R3HDM1: variants seen among roughly 807,000 people sequenced by gnomAD.
R3HDM1 encodes R3H domain containing 1.
R3HDM1 carries 46 observed loss-of-function variants against 141.1 expected under a neutral mutation model. The ratio of observed to expected loss-of-function variants is 0.33; its 90% CI spans 0.26 to 0.42. R3HDM1 has a LOEUF of 0.42. Among genes scored for constraint, R3HDM1 ranks in the 10% least tolerant of loss-of-function variants. The pLI is 1.00. For missense variants in R3HDM1, 1,184 were observed against 1,368.3 expected (o/e 0.87, Z 2.12); for synonymous variants, 435 against 472.9 (o/e 0.92, Z 1.04).
chr2:135,568,638 C>T (rs1703350058), intron 1 of R3HDM1: 1 of 152,070 alleles, frequency 6.6e-6, no homozygotes, highest in Non-Finnish European at 1.5e-5. Context: ...GCGTGAGCCA[C>T]TTGTGCCCGG....
intron 21 of R3HDM1, among the ~76,000 whole-genome samples, chr2:135,703,289 C>T (rs2074480804): frequency 2.0e-5 from 3 of 152,196 alleles, no homozygotes; most frequent in Admixed American, 1.3e-4. Flanking sequence ...AAATAATCCT[C>T]TTTGGGCAAG....
At chr2:135,687,241 G>A (rs913753831) in intron 21 of R3HDM1, among the ~76,000 whole-genome samples, 1 of 152,158 alleles carries the variant, frequency 6.6e-6, no homozygotes, top group Non-Finnish European at 1.5e-5. Flanking sequence ...GCAGAGAGTA[G>A]AATGGTCATT....
At chr2:135,552,489 C>G (rs947244912) in intron 1 of R3HDM1, among the ~76,000 whole-genome samples, 4 of 152,164 alleles carry the variant, frequency 2.6e-5, no homozygotes, top group Non-Finnish European at 5.9e-5. Flanking sequence ...AGCCACCACA[C>G]GCGGCCTAAT....
At chr2:135,557,379 T>C (rs1700987172) in intron 1 of R3HDM1, among the ~76,000 whole-genome samples, 2 of 152,208 alleles carry the variant, frequency 1.3e-5, no homozygotes. Context: ...ATTCTACTCC[T>C]GCACTTTAAA....
chr2:135,619,765 A>C (rs1406380063), intron 5 of R3HDM1: 2 of 950,970 alleles, frequency 2.1e-6, no homozygotes, highest in Non-Finnish European at 2.5e-6. Flanking sequence ...TTGAGGAATT[A>C]ATCTGGAATA....
chr2:135,657,288 G>T (rs927149376), intron 18 of R3HDM1, among the ~76,000 whole-genome samples: 1 of 151,468 alleles, frequency 6.6e-6, no homozygotes, highest in African/African-American at 2.4e-5. Flanking sequence ...GCGGGCACCT[G>T]TAATCCCAGC....
intron 18 of R3HDM1, among the ~76,000 whole-genome samples, chr2:135,654,680 C>T (rs756039441): frequency 5.9e-5 from 9 of 152,006 alleles, no homozygotes; most frequent in South Asian, 2.1e-4. Context: ...AACTCCTGAC[C>T]GCAAGTGATC....
chr2:135,542,604 T>C (rs1697839232), intron 1 of R3HDM1, among the ~76,000 whole-genome samples: 1 of 152,214 alleles, frequency 6.6e-6, no homozygotes, highest in Non-Finnish European at 1.5e-5. Flanking sequence ...TTCAACCAGA[T>C]ATTTATATTA....
intron 5 of R3HDM1, among the ~76,000 whole-genome samples, chr2:135,617,326 C>CA (rs1217130497): frequency 2.1e-5 from 3 of 139,920 alleles, no homozygotes; most frequent in Admixed American, 6.7e-5. Context: ...GACTCCATCT[C>CA]AAAAAAAAAT....
At chr2:135,576,706 G>A (rs1705520025) in intron 1 of R3HDM1, among the ~76,000 whole-genome samples, 1 of 152,082 alleles carries the variant, frequency 6.6e-6, no homozygotes, top group South Asian at 2.1e-4. Context: ...CTACAATGTG[G>A]GTGAAACTTG....
chr2:135,617,235 GA>G, intron 5 of R3HDM1, among the ~76,000 whole-genome samples: 1 of 152,150 alleles, frequency 6.6e-6, no homozygotes, highest in Middle Eastern at 3.4e-3. Flanking sequence ...GCTGAGGCAG[GA>G]AAATGGTGTG....
chr2:135,679,256 G>A (rs1268672826), intron 20 of R3HDM1, among the ~76,000 whole-genome samples: 4 of 151,812 alleles, frequency 2.6e-5, no homozygotes, highest in Non-Finnish European at 4.4e-5. Context: ...AATTGTGTTC[G>A]TGTGATTTCA....
At chr2:135,536,036 T>C (rs1696025517) in intron 1 of R3HDM1, among the ~76,000 whole-genome samples, 2 of 152,252 alleles carry the variant, frequency 1.3e-5, no homozygotes, top group Admixed American at 6.5e-5. Flanking sequence ...TGATCTTTTT[T>C]CCCTCTTTGC....
intron 18 of R3HDM1, among the ~76,000 whole-genome samples, chr2:135,654,604 A>G (rs916339426): frequency 1.3e-5 from 2 of 151,866 alleles, no homozygotes; most frequent in Non-Finnish European, 2.9e-5. Flanking sequence ...GTGAGCCACC[A>G]TGCCCAACTA....
At chr2:135,561,178 A>G (rs906792592) in intron 1 of R3HDM1, 1 of 375,864 alleles carries the variant, frequency 2.7e-6, no homozygotes, top group Non-Finnish European at 3.7e-6. Flanking sequence ...TGCTTCTGAT[A>G]CCAGGAATCT....
intron 1 of R3HDM1, among the ~76,000 whole-genome samples, chr2:135,563,216 A>T (rs1702112090): frequency 2.0e-5 from 3 of 152,168 alleles, no homozygotes; most frequent in African/African-American, 7.2e-5. Context: ...CATGTGTGTC[A>T]CTCTTGTGCT....
chr2:135,699,409 T>A (rs577058834), intron 21 of R3HDM1, among the ~76,000 whole-genome samples: 36 of 151,862 alleles, frequency 2.4e-4, no homozygotes, highest in African/African-American at 7.7e-4. Context: ...AGAGAGAGAG[T>A]TGTAAGGTCC....
At chr2:135,535,117 A>G (rs1695755464) in intron 1 of R3HDM1, among the ~76,000 whole-genome samples, 1 of 152,208 alleles carries the variant, frequency 6.6e-6, no homozygotes, top group South Asian at 2.1e-4. Context: ...TCAAATTGCT[A>G]TTGCAGCACC....
chr2:135,716,787 A>T (rs1392218912), intron 24 of R3HDM1, among the ~76,000 whole-genome samples: 1 of 152,088 alleles, frequency 6.6e-6, no homozygotes, highest in Non-Finnish European at 1.5e-5. Context: ...CCCTGTCTCT[A>T]CTAAAACTAC....
Sources: gnomAD v4.1 joint callset for allele counts (sites outside exome capture counted in the v4.1 genomes callset) on GRCh38, gnomAD v4.1.1 for gene constraint, MANE v1.5 for transcripts, NCBI Gene and HGNC (gene_info 2026-07-23, HGNC 2026-07-21) for gene names.